SYT14: variants seen among roughly 807,000 people sequenced by gnomAD.
The protein encoded by SYT14 is synaptotagmin 14.
SYT14 carries 32 observed loss-of-function variants against 74.2 expected under a neutral mutation model. The ratio of observed to expected loss-of-function variants is 0.43; its 90% CI spans 0.33 to 0.58. The LOEUF (loss-of-function observed/expected upper bound fraction) is 0.58. Ranked by LOEUF, SYT14 falls within the 20% of genes least tolerant of loss-of-function variation. The pLI is 0.05. For synonymous variants in SYT14, 298 were observed against 337.7 expected (o/e 0.88, Z 1.29); for missense variants, 791 against 981.8 (o/e 0.81, Z 2.60).
intron 2 of SYT14, among the ~76,000 whole-genome samples, chr1:209,972,028 G>A (rs1480605843): frequency 6.6e-6 from 1 of 151,976 alleles, no homozygotes; most frequent in Non-Finnish European, 1.5e-5. Context: ...GCTTTTTTTG[G>A]TTGGTAGGGT....
At chr1:210,047,672 C>T (rs1324699489) in intron 5 of SYT14, among the ~76,000 whole-genome samples, 1 of 152,144 alleles carries the variant, frequency 6.6e-6, no homozygotes, top group African/African-American at 2.4e-5. Context: ...GCTGGGATTA[C>T]AGGCGTGAGC....
At chr1:210,086,210 A>T (rs1305500087) in intron 5 of SYT14, among the ~76,000 whole-genome samples, 1 of 152,166 alleles carries the variant, frequency 6.6e-6, no homozygotes, top group Non-Finnish European at 1.5e-5. Context: ...CCTGTTTCTC[A>T]TAATGTTCAC....
chr1:209,997,141 GCATC>G (rs1477051610), intron 2 of SYT14, among the ~76,000 whole-genome samples: 2 of 144,206 alleles, frequency 1.4e-5, no homozygotes, highest in African/African-American at 5.3e-5. Context: ...AAAATAAAAG[GCATC>G]CAGATAGGGA....
At chr1:210,046,194 T>G (rs2080881359) in intron 5 of SYT14, among the ~76,000 whole-genome samples, 1 of 152,092 alleles carries the variant, frequency 6.6e-6, no homozygotes, top group Non-Finnish European at 1.5e-5. Flanking sequence ...AACATTTAGG[T>G]GAGATCCTGT....
At chr1:210,132,247 C>T (rs1284027362) in intron 7 of SYT14, among the ~76,000 whole-genome samples, 1 of 152,074 alleles carries the variant, frequency 6.6e-6, no homozygotes, top group Non-Finnish European at 1.5e-5. Context: ...CACCAGGCTG[C>T]CCATCTGGGC....
At chr1:210,051,292 T>C (rs2080990178) in intron 5 of SYT14, among the ~76,000 whole-genome samples, 2 of 152,176 alleles carry the variant, frequency 1.3e-5, no homozygotes, top group Admixed American at 6.5e-5. Context: ...TCAGAATATA[T>C]CCAATAAGGT....
intron 2 of SYT14, among the ~76,000 whole-genome samples, chr1:210,004,193 TA>T (rs2079950354): frequency 1.3e-5 from 2 of 152,248 alleles, no homozygotes; most frequent in South Asian, 4.1e-4. Context: ...AATGGTGTAG[TA>T]ACCTTGAAAT....
At chr1:210,021,387 T>A in intron 5 of SYT14, 133 bp downstream of exon 4, 1 of 952,108 alleles carries the variant, frequency 1.1e-6, no homozygotes, top group Non-Finnish European at 1.6e-6. Context: ...TCTGGGAATG[T>A]AATTTATTCA....
intron 5 of SYT14, among the ~76,000 whole-genome samples, chr1:210,078,049 G>A (rs941930957): frequency 6.6e-6 from 1 of 152,202 alleles, no homozygotes; most frequent in South Asian, 2.1e-4. Context: ...GGTGGCTCAC[G>A]CCTGTAATCC....
intron 3 of SYT14, 22 bp downstream of exon 3, chr1:210,013,819 C>T (rs2080133847): frequency 6.2e-7 from 1 of 1,606,488 alleles, no homozygotes; most frequent in Admixed American, 1.7e-5. Context: ...ATTGCTGCTT[C>T]TCTTGTTTGT....
At chr1:210,016,245 C>T in exon 4 of SYT14, 1 of 1,232,028 alleles carries the variant, frequency 8.1e-7, no homozygotes, top group South Asian at 4.1e-5. Flanking sequence ...ACAGAAGTCT[C>T]CAAAAACACT....
chr1:210,049,524 C>T (rs1178058902), intron 5 of SYT14, among the ~76,000 whole-genome samples: 3 of 150,794 alleles, frequency 2.0e-5, no homozygotes, highest in Admixed American at 1.3e-4. Context: ...TGATGGTTTG[C>T]TGTGTCCATC....
intron 2 of SYT14, among the ~76,000 whole-genome samples, chr1:209,997,604 TA>T (rs954820410): frequency 1.3e-5 from 2 of 151,988 alleles, no homozygotes; most frequent in Non-Finnish European, 2.9e-5. Flanking sequence ...TTCACAGAAT[TA>T]AAAAAAGGCT....
At chr1:210,042,034 A>G (rs2102347191) in intron 5 of SYT14, among the ~76,000 whole-genome samples, 1 of 152,022 alleles carries the variant, frequency 6.6e-6, no homozygotes, top group South Asian at 2.1e-4. Flanking sequence ...GTTTTTCTGG[A>G]CAGTTTCTTA....
intron 5 of SYT14, among the ~76,000 whole-genome samples, chr1:210,052,683 A>AAAAAAAAAAAAAAAAAAAAAC (rs2081023608): frequency 6.7e-6 from 1 of 149,964 alleles, no homozygotes; most frequent in Non-Finnish European, 1.5e-5. Context: ...AAAAAAAAAA[A>AAAAAAAAAAAAAAAAAAAAAC]AGCTCTCCAA....
intron 2 of SYT14, chr1:209,965,875 T>A (rs962305215): frequency 2.2e-5 from 10 of 452,482 alleles, no homozygotes; most frequent in Middle Eastern, 3.4e-4. Context: ...ATTTTTGAAC[T>A]TCTTTTTTTT....
intron 2 of SYT14, among the ~76,000 whole-genome samples, chr1:209,986,763 A>G (rs988684613): frequency 7.9e-5 from 12 of 152,024 alleles, no homozygotes; most frequent in Non-Finnish European, 1.8e-4. Context: ...AGCTGGAATT[A>G]CAGGCATGCG....
chr1:209,986,068 G>A (rs964258379), intron 2 of SYT14, among the ~76,000 whole-genome samples: 1 of 152,110 alleles, frequency 6.6e-6, no homozygotes, highest in African/African-American at 2.4e-5. Context: ...TTAGTACTTG[G>A]CTCCTTTTTA....
intron 5 of SYT14, among the ~76,000 whole-genome samples, chr1:210,041,078 C>T (rs1454220033): frequency 1.3e-5 from 2 of 152,120 alleles, no homozygotes; most frequent in Admixed American, 6.6e-5. Context: ...GAAATGTGGG[C>T]AGTCAGCAGA....
Sources: gnomAD v4.1 joint callset for allele counts (sites outside exome capture counted in the v4.1 genomes callset) on GRCh38, gnomAD v4.1.1 for gene constraint, MANE v1.5 for transcripts, NCBI Gene and HGNC (gene_info 2026-07-23, HGNC 2026-07-21) for gene names.